The following AGBL4 variants were observed in gnomAD, a reference collection of about 807,000 sequenced individuals.
AGBL4 encodes AGBL carboxypeptidase 4.
Under a neutral mutation model 66.4 loss-of-function variants are expected in AGBL4, and 58 were observed. The observed-to-expected ratio is 0.87, with a 90% confidence interval of 0.71 to 1.09. The LOEUF is 1.09. Among genes scored for constraint, AGBL4 ranks in the 50% least tolerant of loss-of-function variants. The pLI, the probability that AGBL4 is intolerant of heterozygous loss-of-function variation, is 0.00. For missense variants in AGBL4, 579 were observed against 631.0 expected (o/e 0.92, Z 0.88); for synonymous variants, 234 against 222.9 (o/e 1.05, Z -0.44).
At chr1:49,151,281 A>AATAT (rs67309599) in intron 4 of AGBL4, among the ~76,000 whole-genome samples, 6 of 143,198 alleles carry the variant, frequency 4.2e-5, no homozygotes, top group African/African-American at 1.3e-4. Flanking sequence ...AAAAAAAAAA[A>AATAT]ATATATATAT....
At chr1:49,273,824 T>C (rs1208970382) in intron 3 of AGBL4, among the ~76,000 whole-genome samples, 1 of 152,018 alleles carries the variant, frequency 6.6e-6, no homozygotes, top group Non-Finnish European at 1.5e-5. Context: ...TACAGGCACG[T>C]GCCACCATGC....
chr1:49,321,756 A>G (rs773376907), intron 3 of AGBL4, among the ~76,000 whole-genome samples: 7 of 152,210 alleles, frequency 4.6e-5, no homozygotes, highest in Non-Finnish European at 8.8e-5. Context: ...TGAGACTTCT[A>G]TTACTCACTA....
At chr1:49,254,529 T>G (rs1652320786) in intron 3 of AGBL4, among the ~76,000 whole-genome samples, 1 of 152,002 alleles carries the variant, frequency 6.6e-6, no homozygotes. Flanking sequence ...ATGAACAAAT[T>G]GAAAAACATT....
At chr1:49,230,797 T>G (rs1001027916) in intron 4 of AGBL4, among the ~76,000 whole-genome samples, 2 of 152,218 alleles carry the variant, frequency 1.3e-5, no homozygotes, top group Admixed American at 1.3e-4. Flanking sequence ...TTTTATAATG[T>G]GCTATTTTGT....
At chr1:49,139,362 C>T (rs1437942207) in intron 4 of AGBL4, among the ~76,000 whole-genome samples, 1 of 152,084 alleles carries the variant, frequency 6.6e-6, no homozygotes, top group Admixed American at 6.6e-5. Context: ...AGAGTGGCAC[C>T]ATTCATTTAT....
rs146958756 is a variant in AGBL4, at chr1:48,733,245, A to T, written c.635-70004T>A. On this transcript the variant is annotated intron_variant, in intron 6 of 13. Transcript: ENST00000371839. ...ATTTACATGATGCTGGGAAGGAACC[A>T]GTAGTAGAGCAGGAGCATAACTGAA... is the stretch of plus-strand genomic sequence containing the variant. Among the ~76,000 whole-genome samples the T allele has an allele frequency of 4.3e-3, 657 of 152,280 alleles. 4 individuals carry two copies. Among genetic ancestry groups the T allele is most frequent in the African/African-American group, 0.015 (629 of 41,546 alleles).
chr1:49,648,990 A>AAT, intron 3 of AGBL4, among the ~76,000 whole-genome samples: 1 of 152,112 alleles, frequency 6.6e-6, no homozygotes, highest in East Asian at 1.9e-4. Context: ...TACTAGCAAA[A>AAT]ATATATATAA....
intron 3 of AGBL4, among the ~76,000 whole-genome samples, chr1:49,505,443 G>A (rs1367422518): frequency 6.6e-6 from 1 of 151,416 alleles, no homozygotes; most frequent in African/African-American, 2.4e-5. Context: ...GCTGTTGTTT[G>A]TCTAGGAAAG....
intron 2 of AGBL4, among the ~76,000 whole-genome samples, chr1:49,733,174 C>T (rs1376806005): frequency 3.9e-5 from 6 of 152,076 alleles, no homozygotes; most frequent in African/African-American, 1.4e-4. Context: ...ACAAAAAATT[C>T]TATAACCACC....
intron 6 of AGBL4, among the ~76,000 whole-genome samples, chr1:48,852,039 T>C (rs1320897153): frequency 1.4e-4 from 13 of 95,746 alleles, no homozygotes; most frequent in Admixed American, 8.4e-4. Context: ...TTTTTTTTTT[T>C]CAGATACCTA....
At chr1:49,524,941 T>G (rs918623068) in intron 3 of AGBL4, among the ~76,000 whole-genome samples, 1 of 152,088 alleles carries the variant, frequency 6.6e-6, no homozygotes, top group South Asian at 2.1e-4. Context: ...TTAAAGAGTA[T>G]GGGCTTTGGG....
intron 2 of AGBL4, among the ~76,000 whole-genome samples, chr1:49,814,393 G>A (rs1405421024): frequency 6.6e-6 from 1 of 152,140 alleles, no homozygotes; most frequent in East Asian, 1.9e-4. Context: ...CAGCCTTATA[G>A]TGTACTTACT....
In AGBL4 at chr1:48,555,578, T is replaced by G. The variant is rs114574730; in HGVS notation, c.1268-15840A>C. Among the ~76,000 whole-genome samples, 241 of 152,230 alleles carry G rather than the reference T, an allele frequency of 1.6e-3. 1 individual carries two copies. Among genetic ancestry groups the G allele is most frequent in the African/African-American group, 5.7e-3 (235 of 41,520 alleles). ...AAGCACAGATCATGAGTGCCTTGTG[T>G]GATGTTATGAGTATGAACTTTCTCC... On this transcript the variant is annotated intron_variant, in intron 11 of 13. Coordinates refer to ENST00000371839, the MANE Select transcript of AGBL4 (RefSeq NM_032785.4).
At chr1:49,789,489 CA>C (rs1644540093) in intron 2 of AGBL4, among the ~76,000 whole-genome samples, 1 of 152,116 alleles carries the variant, frequency 6.6e-6, no homozygotes, top group African/African-American at 2.4e-5. Flanking sequence ...AGCAAAGTCT[CA>C]AGATACAAAA....
At chr1:49,540,417 C>T (rs914237254) in intron 3 of AGBL4, among the ~76,000 whole-genome samples, 1 of 152,188 alleles carries the variant, frequency 6.6e-6, no homozygotes, top group East Asian at 1.9e-4. Context: ...CAAGCAGTTA[C>T]AGTACTTGGC....
At chr1:49,047,681 G>T (rs530966333) in intron 4 of AGBL4, among the ~76,000 whole-genome samples, 2 of 152,206 alleles carry the variant, frequency 1.3e-5, no homozygotes, top group African/African-American at 4.8e-5. Context: ...GGCAATTGGG[G>T]TAGTAATGTC....
intron 2 of AGBL4, among the ~76,000 whole-genome samples, chr1:49,818,370 G>T (rs1164824716): frequency 8.0e-5 from 11 of 137,212 alleles, no homozygotes; most frequent in East Asian, 4.1e-4. Flanking sequence ...TGTTTTTTTT[G>T]TTTTTTTTTT....
At chr1:49,605,769 C>A (rs1316291234) in intron 3 of AGBL4, among the ~76,000 whole-genome samples, 3 of 151,896 alleles carry the variant, frequency 2.0e-5, no homozygotes. Context: ...CCAAGGGCCA[C>A]TGAAAATAAG....
intron 5 of AGBL4, among the ~76,000 whole-genome samples, chr1:48,903,069 A>T (rs894895154): frequency 1.1e-4 from 16 of 152,096 alleles, no homozygotes; most frequent in South Asian, 4.1e-4. Flanking sequence ...CTTGCTTCTT[A>T]TAATGTCATC....
Sources: gnomAD v4.1 joint callset for allele counts (sites outside exome capture counted in the v4.1 genomes callset) on GRCh38, gnomAD v4.1.1 for gene constraint, MANE v1.5 for transcripts, NCBI Gene and HGNC (gene_info 2026-07-23, HGNC 2026-07-21) for gene names.